Variants in SCN4A observed in about 807,000 individuals in gnomAD.
The protein encoded by SCN4A is sodium voltage-gated channel alpha subunit 4, also known as sodium channel protein type 4 subunit alpha.
In SCN4A, 83 loss-of-function variants were observed where a neutral mutation model predicts 162.0. The ratio of observed to expected loss-of-function variants is 0.51; its 90% CI spans 0.43 to 0.61. The LOEUF is 0.61. SCN4A is among the 20% of genes least tolerant of loss of function. The pLI is 0.00. For missense variants in SCN4A, 2,196 were observed against 2,462.5 expected (o/e 0.89, Z 2.29); for synonymous variants, 944 against 985.1 (o/e 0.96, Z 0.78).
At chr17:63,960,309 G>A (rs1244049146) in intron 11 of SCN4A, among the ~76,000 whole-genome samples, 2 of 152,258 alleles carry the variant, frequency 1.3e-5, no homozygotes, top group Non-Finnish European at 2.9e-5. Flanking sequence ...CACGAGTCCA[G>A]AGCACGCCCT....
chr17:63,971,262 G>A lies in SCN4A; in HGVS notation c.612-9C>T, dbSNP rs758639516. The A allele has an allele frequency of 1.4e-5, 21 of 1,466,642 alleles. No individual in the cohort carries two copies. Among genetic ancestry groups the A allele is most frequent in the South Asian group, 6.1e-5 (5 of 82,550 alleles). 90.9% of individuals were successfully genotyped at this position (1,466,642 alleles called of 1,614,324 possible). ...CAAACTCTGTCAGGTACCTGGGTAG[G>A]GGGTGGAGGGGGGTGGGGACTGTCA... On this transcript the variant is annotated splice_polypyrimidine_tract_variant and intron_variant, in intron 4 of 23. Coordinates refer to ENST00000435607, the MANE Select transcript of SCN4A (RefSeq NM_000334.4).
Position 63,966,115 on chromosome 17 carries a change from T to A in SCN4A, c.1229A>T (p.Asn410Ile). Residue 410 changes from asparagine (N) to isoleucine (I), a missense_variant, in exon 8 of 24, where the codon AAC becomes ATC. Transcript: ENST00000435607. ...FRLMTQDYWE[N>I]LFQLTLRAAG... Reference sequence around the variant, plus strand: ...GGGCAGCTGTACCAGCTGGAAGAGGTTCTCCCAATAGTCCTGTGTCATGAG... The same window carrying A: ...GGGCAGCTGTACCAGCTGGAAGAGGATCTCCCAATAGTCCTGTGTCATGAG... 1 of 1,583,198 alleles carries A rather than the reference T, an allele frequency of 6.3e-7. No individual in the cohort carries two copies. The highest frequency in any genetic ancestry group is 1.8e-5 in the Admixed American group (1 of 55,142).
intron 13 of SCN4A, among the ~76,000 whole-genome samples, chr17:63,954,348 A>G (rs1217962146): frequency 6.6e-6 from 1 of 151,992 alleles, no homozygotes; most frequent in Non-Finnish European, 1.5e-5. Flanking sequence ...CCCCCCACCA[A>G]AACGCATTAG....
chr17:63,948,731 G>A lies in SCN4A; in HGVS notation c.3024C>T (p.Asp1008=), dbSNP rs758583256. 3 of 1,612,942 alleles carry A rather than the reference G, an allele frequency of 1.9e-6. No homozygotes were observed. The highest frequency in any genetic ancestry group is 1.3e-5 in the African/African-American group (1 of 75,064). The change falls in exon 16 of 24, where the codon GAC becomes GAT. Residue 1008 remains aspartate (D), a synonymous_variant. Transcript: ENST00000435607. ...CVQRWPCLYV[D]ISQGRGKKWW... ...ACTTCTTCCCACGGCCCTGGGAGAT[G>A]TCCACGTAGAGGCAGGGCCAGCGCT...
chr17:63,948,172 C>G, intron 16 of SCN4A, 109 bp from the exon 17 acceptor site: 1 of 854,876 alleles, frequency 1.2e-6, no homozygotes, highest in Non-Finnish European at 1.7e-6. Flanking sequence ...GCCGTGGGGG[C>G]CCAGCCCAAG....
intron 10 of SCN4A, among the ~76,000 whole-genome samples, chr17:63,963,418 G>A (rs146000148): frequency 6.6e-6 from 1 of 152,166 alleles, no homozygotes; most frequent in East Asian, 1.9e-4. Context: ...ACTGGGCCAG[G>A]TTAAGACAGG....
rs151032810 is a variant in SCN4A, at chr17:63,950,761, TG to T, written c.2853+662del. Among the ~76,000 whole-genome samples the T allele has an allele frequency of 2.2e-4, 33 of 152,294 alleles. No homozygotes were observed. Among genetic ancestry groups the T allele is most frequent in the African/African-American group, 7.9e-4 (33 of 41,580 alleles). On this transcript the variant is annotated intron_variant, in intron 14 of 23. Transcript: ENST00000435607. This position sits in a 1 kb window ranked among gnomAD's most constrained non-coding sequence, Gnocchi z 4.6. ...CAGCCTCAGCCTCAGCCTCAGCTGC[TG>T]GGGGTTACCACCGCTGCGTTCCTGT...
Position 63,971,993 on chromosome 17 carries a change from C to A in SCN4A, c.482+143G>T. ...GGACACTAGCGAGTGATAGCATGGCCACCCCAGGGACTCAAGGTGTGGATG... is the reference window on the plus strand; with the variant it reads ...GGACACTAGCGAGTGATAGCATGGCAACCCCAGGGACTCAAGGTGTGGATG... On this transcript the variant is annotated intron_variant, in intron 3 of 23. Coordinates refer to ENST00000435607, the MANE Select transcript of SCN4A (RefSeq NM_000334.4). The A allele has an allele frequency of 5.6e-6, 6 of 1,067,206 alleles. No individual in the cohort carries two copies. The South Asian group carries it at 8.4e-5, about 15-fold the overall frequency. The allele number at this position is 1,067,206 out of a possible 1,614,324, so 66.1% of individuals were successfully genotyped here.
rs111298169 is a variant in SCN4A at position 63,956,841 on chromosome 17, C to T, written c.2376+321G>A. 7.0e-3 allele frequency among the ~76,000 whole-genome samples: 1,061 copies of T among 152,332 alleles called. 20 individuals are homozygous for T. The highest frequency in any genetic ancestry group is 0.025 in the African/African-American group (1,020 of 41,564). ...TACTCAAAACACTAGGTTCCAACAG[C>T]GCTACTCATAGCATGGTCCCAGAAC... is the stretch of plus-strand genomic sequence containing the variant. On this transcript the variant is annotated intron_variant, in intron 13 of 23. Coordinates refer to ENST00000435607, the MANE Select transcript of SCN4A (RefSeq NM_000334.4).
chr17:63,972,066 C>T lies in SCN4A; in HGVS notation c.482+70G>A. 1 of 1,250,036 alleles carries T rather than the reference C, an allele frequency of 8.0e-7. No homozygotes were observed. Among genetic ancestry groups the T allele is most frequent in the Non-Finnish European group, 1.2e-6 (1 of 865,516 alleles). 77.4% of individuals were successfully genotyped at this position (1,250,036 alleles called of 1,614,324 possible). On this transcript the variant is annotated intron_variant, in intron 3 of 23. Transcript: ENST00000435607. The surrounding 1 kb of genome is among the most constrained non-coding windows in gnomAD (Gnocchi z 4.3). Reference sequence around the variant, plus strand: ...TCCCTGAAAGACAAGAGCAGCACCACACAGAGGTGCAAACACCTGAGATGG... The same window carrying T: ...TCCCTGAAAGACAAGAGCAGCACCATACAGAGGTGCAAACACCTGAGATGG...
chr17:63,951,344 G>T lies in SCN4A; in HGVS notation c.2853+80C>A. On this transcript the variant is annotated intron_variant, in intron 14 of 23. Transcript: ENST00000435607. The surrounding 1 kb of genome is among the most constrained non-coding windows in gnomAD (Gnocchi z 4.5). ...CCATTTTACAGCTGGAGAAACTGAG[G>T]CTCAGAGAGGACTTAGGGCTTGCTC... 1.0e-6 allele frequency: 1 copy of T among 966,066 alleles called. No individual in the cohort carries two copies. Among genetic ancestry groups the T allele is most frequent in the Non-Finnish European group, 1.5e-6 (1 of 646,368 alleles). 59.8% of individuals were successfully genotyped at this position (966,066 alleles called of 1,614,324 possible). A position where few individuals can be genotyped will look rare whatever the true frequency, so the allele number is the denominator to read the frequency against.
chr17:63,946,371 G>T (rs937017941), intron 18 of SCN4A, among the ~76,000 whole-genome samples: 1 of 151,804 alleles, frequency 6.6e-6, no homozygotes, highest in African/African-American at 2.4e-5. Context: ...GGGGGGGCTC[G>T]CCATGGCCTC....
At position 63,944,525 on chromosome 17, in the gene SCN4A, T is replaced by C. The variant is rs1321312553; in HGVS notation, c.3912+148A>G. 21 of 777,140 alleles carry C rather than the reference T, an allele frequency of 2.7e-5. No individual in the cohort carries two copies. The East Asian group carries it at 5.7e-4, about 21-fold the overall frequency. The allele number at this position is 777,140 out of a possible 1,614,324, so 48.1% of individuals were successfully genotyped here. On this transcript the variant is annotated intron_variant, in intron 21 of 23. Transcript: ENST00000435607. This position sits in a 1 kb window ranked among gnomAD's most constrained non-coding sequence, Gnocchi z 4.3. ...AAGCCACTTGTTCAAGGTGGCCTGGTGGGACTGGGACCCAAGCTAGCTGCC... is the reference window on the plus strand; with the variant it reads ...AAGCCACTTGTTCAAGGTGGCCTGGCGGGACTGGGACCCAAGCTAGCTGCC...
intron 16 of SCN4A, 144 bp from the exon 17 acceptor site, chr17:63,948,207 A>C: frequency 3.4e-6 from 2 of 591,384 alleles, no homozygotes; most frequent in Non-Finnish European, 5.7e-6. Flanking sequence ...CATCTCCTGG[A>C]CTCCCACCAC....
intron 16 of SCN4A, 33 bp from the exon 17 acceptor site, chr17:63,948,096 G>T: frequency 1.3e-6 from 2 of 1,565,646 alleles, no homozygotes; most frequent in Non-Finnish European, 8.7e-7. Context: ...GGTGGCTGGG[G>T]TCCAGCAGGC....
At chr17:63,967,265 G>C (rs1909478501) in intron 6 of SCN4A, among the ~76,000 whole-genome samples, 1 of 152,004 alleles carries the variant, frequency 6.6e-6, no homozygotes, top group Non-Finnish European at 1.5e-5. Flanking sequence ...CGATTCTCCT[G>C]CCTCAGCCTC....
At chr17:63,948,896 C>G (rs1908816750) in intron 15 of SCN4A, 131 bp from the exon 16 acceptor site, 1 of 756,200 alleles carries the variant, frequency 1.3e-6, no homozygotes, top group African/African-American at 1.8e-5. Context: ...GGGCCCCCAC[C>G]TCCTCCCTCA....
At chr17:63,959,564 G>A (rs1909180577) in intron 11 of SCN4A, 126 bp from the exon 12 acceptor site, 1 of 832,890 alleles carries the variant, frequency 1.2e-6, no homozygotes, top group Non-Finnish European at 1.9e-6. Context: ...AGAGCCCTGA[G>A]AGGAGCAGGA....
intron 22 of SCN4A, 63 bp downstream of exon 22, chr17:63,943,683 C>T: frequency 1.9e-6 from 2 of 1,062,882 alleles, no homozygotes; most frequent in Non-Finnish European, 2.9e-6. Context: ...CCTTTTACCC[C>T]CATCAGTCCC....
Sources: allele counts gnomAD v4.1 joint callset (sites outside exome capture counted in the v4.1 genomes callset), GRCh38; gene constraint gnomAD v4.1.1; non-coding constraint Gnocchi (gnomAD v3.1); transcripts MANE v1.5; gene names NCBI Gene and HGNC (gene_info 2026-07-23, HGNC 2026-07-21).